The following DPP4 variants were observed in gnomAD, a reference collection of about 807,000 sequenced individuals.
The protein encoded by DPP4 is ADCP-2.
A neutral mutation model predicts 122.4 loss-of-function variants in DPP4; 93 were observed. The ratio of observed to expected loss-of-function variants is 0.76; its 90% CI spans 0.64 to 0.90. The LOEUF (loss-of-function observed/expected upper bound fraction) is 0.90. DPP4 is among the 40% of genes least tolerant of loss of function. The pLI is 0.00. For synonymous variants in DPP4, 321 were observed against 302.9 expected, an observed-to-expected ratio of 1.06 and a Z score of -0.62; for missense variants, 914 against 907.3, an observed-to-expected ratio of 1.01 and a Z score of -0.09.
chr2:162,063,637 C>A (rs1451233166), intron 2 of DPP4, among the ~76,000 whole-genome samples: 7 of 151,498 alleles, frequency 4.6e-5, no homozygotes, highest in Non-Finnish European at 5.9e-5. Flanking sequence ...TCCCAATCTG[C>A]AACACAGAGA....
At chr2:162,036,250 C>G (rs1433069201) in intron 8 of DPP4, among the ~76,000 whole-genome samples, 3 of 152,116 alleles carry the variant, frequency 2.0e-5, no homozygotes, top group African/African-American at 7.2e-5. Flanking sequence ...ATCATGCATT[C>G]TAATCAGTTT....
At chr2:162,036,391 T>C (rs550088818) in intron 8 of DPP4, among the ~76,000 whole-genome samples, 1 of 152,298 alleles carries the variant, frequency 6.6e-6, no homozygotes, top group African/African-American at 2.4e-5. Flanking sequence ...ATTCAATGAG[T>C]GCTAACTATG....
At chr2:162,070,491 C>A (rs1685079841) in intron 2 of DPP4, among the ~76,000 whole-genome samples, 1 of 152,142 alleles carries the variant, frequency 6.6e-6, no homozygotes, top group South Asian at 2.1e-4. Flanking sequence ...CTTTAGTTTC[C>A]ACGTAATTTA....
intron 11 of DPP4, among the ~76,000 whole-genome samples, chr2:162,024,521 T>G (rs931248278): frequency 3.9e-5 from 6 of 152,200 alleles, no homozygotes; most frequent in South Asian, 4.1e-4. Context: ...AATATTTACA[T>G]CAGATTCTAT....
At chr2:162,009,323 T>C in intron 20 of DPP4, 28 bp from the exon 21 acceptor site, 1 of 1,605,010 alleles carries the variant, frequency 6.2e-7, no homozygotes, top group Non-Finnish European at 8.5e-7. Flanking sequence ...AGTCCACAGA[T>C]CAGTACTGCA....
chr2:162,037,593 G>C (rs1276545191), intron 8 of DPP4, among the ~76,000 whole-genome samples: 2 of 152,062 alleles, frequency 1.3e-5, no homozygotes, highest in Non-Finnish European at 2.9e-5. Context: ...ATAAGTATGA[G>C]GAAACCTTGT....
At chr2:162,011,686 T>C in intron 20 of DPP4, 107 bp downstream of exon 20, 1 of 1,136,926 alleles carries the variant, frequency 8.8e-7, no homozygotes, top group Non-Finnish European at 1.2e-6. Flanking sequence ...AGATTACAAA[T>C]TCATCCCAGA....
chr2:162,012,305 G>A (rs888424589), intron 19 of DPP4, among the ~76,000 whole-genome samples: 4 of 151,956 alleles, frequency 2.6e-5, no homozygotes. Flanking sequence ...TTAAGAAGGG[G>A]GAGTTGTGGT....
chr2:162,022,575 T>C (rs1319498278), intron 12 of DPP4, among the ~76,000 whole-genome samples, 180 bp downstream of exon 12: 1 of 152,218 alleles, frequency 6.6e-6, no homozygotes, highest in Non-Finnish European at 1.5e-5. Flanking sequence ...TCCAACTGTG[T>C]GTGTTATATA....
rs754270028 is a variant in DPP4 at position 162,005,818 on chromosome 2, G to GA, written c.1988-10dup. 573 of 1,578,114 alleles carry GA rather than the reference G, an allele frequency of 3.6e-4. No individual in the cohort carries two copies. The highest frequency in any genetic ancestry group is 8.4e-4 in the Middle Eastern group (5 of 5,918). On this transcript the variant is annotated splice_polypyrimidine_tract_variant and intron_variant, in intron 22 of 25. Coordinates refer to ENST00000360534, the MANE Select transcript of DPP4 (RefSeq NM_001935.4). ...TTCTGTGTACACTGAGTCTGTGAAA[G>GA]AAAAAAAAATAAAAAAAAGTTTAAT... is the stretch of plus-strand genomic sequence containing the variant.
intron 2 of DPP4, among the ~76,000 whole-genome samples, chr2:162,059,219 G>A (rs561004753): frequency 1.3e-5 from 2 of 152,212 alleles, no homozygotes; most frequent in African/African-American, 4.8e-5. Flanking sequence ...CAAGGTGGCA[G>A]GACTGCTTTA....
At chr2:162,012,074 T>C (rs1396027929) in intron 19 of DPP4, 87 bp from the exon 20 acceptor site, 15 of 1,320,342 alleles carry the variant, frequency 1.1e-5, no homozygotes, top group South Asian at 2.8e-5. Context: ...TGGAGAAGTA[T>C]GCATCCTTCC....
At chr2:162,001,898 A>G (rs535370968) in intron 23 of DPP4, among the ~76,000 whole-genome samples, 6 of 152,178 alleles carry the variant, frequency 3.9e-5, no homozygotes, top group African/African-American at 9.7e-5. Context: ...AGCTTCCGGT[A>G]TCAGCTCCTT....
At chr2:162,010,616 C>T (rs1183653526) in intron 20 of DPP4, among the ~76,000 whole-genome samples, 1 of 151,932 alleles carries the variant, frequency 6.6e-6, no homozygotes, top group Non-Finnish European at 1.5e-5. Flanking sequence ...TTTGAGAGAC[C>T]CTGGAAACTA....
chr2:162,014,976 G>A (rs1400147878), intron 18 of DPP4, among the ~76,000 whole-genome samples: 1 of 152,150 alleles, frequency 6.6e-6, no homozygotes, highest in Admixed American at 6.5e-5. Context: ...TCAGCTCTGT[G>A]TTTCACAGAA....
intron 5 of DPP4, among the ~76,000 whole-genome samples, chr2:162,041,870 T>A (rs1683999395): frequency 1.3e-5 from 2 of 152,128 alleles, no homozygotes; most frequent in South Asian, 4.1e-4. Context: ...TGGAGCAGCT[T>A]ATAGTGGAAT....
chr2:162,064,548 A>G, intron 2 of DPP4, among the ~76,000 whole-genome samples: 1 of 152,078 alleles, frequency 6.6e-6, no homozygotes. Context: ...AAGTTTTACC[A>G]TTTTTTAAAA....
chr2:162,015,999 T>C (rs1682901536), intron 18 of DPP4, among the ~76,000 whole-genome samples: 1 of 152,200 alleles, frequency 6.6e-6, no homozygotes, highest in South Asian at 2.1e-4. Flanking sequence ...GAGACTCACA[T>C]GCACATTCAG....
In DPP4 at chr2:162,031,883, G is replaced by A. The variant is rs187935211; in HGVS notation, c.887+1658C>T. On this transcript the variant is annotated intron_variant, in intron 10 of 25. Transcript: ENST00000360534. ...CAATGATGATGATTAAAGGTGGCTG[G>A]ATGGAATCGAAAGGCAGACTTTGAA... 9.8e-5 allele frequency among the ~76,000 whole-genome samples: 15 copies of A among 152,320 alleles called. 1 individual carries two copies. In the East Asian group the frequency reaches 2.9e-3, roughly 29 times the overall value.
Sources: allele counts gnomAD v4.1 joint callset (sites outside exome capture counted in the v4.1 genomes callset), GRCh38; gene constraint gnomAD v4.1.1; transcripts MANE v1.5; gene names NCBI Gene and HGNC (gene_info 2026-07-23, HGNC 2026-07-21).